Variants in LONP2 observed in about 807,000 individuals in gnomAD.
LONP2 encodes lon peptidase 2, peroxisomal, also known as lon protease homolog 2, peroxisomal.
A neutral mutation model predicts 85.6 loss-of-function variants in LONP2; 60 were observed. The ratio of observed to expected loss-of-function variants is 0.70; its 90% CI spans 0.57 to 0.87. The LOEUF is 0.87. Ranked by LOEUF, LONP2 falls within the 40% of genes least tolerant of loss-of-function variation. The pLI, the probability that LONP2 is intolerant of heterozygous loss-of-function variation, is 0.00. For synonymous variants in LONP2, 395 were observed against 389.7 expected, an observed-to-expected ratio of 1.01 and a Z score of -0.16; for missense variants, 860 against 1,063.5, an observed-to-expected ratio of 0.81 and a Z score of 2.66.
chr16:48,259,126 T>C (rs1363482709), intron 4 of LONP2, among the ~76,000 whole-genome samples: 1 of 152,246 alleles, frequency 6.6e-6, no homozygotes, highest in Non-Finnish European at 1.5e-5. Flanking sequence ...ATTTGGCTGT[T>C]TTCAACTTAT....
chr16:48,359,691 G>C (rs1465499134), downstream of LONP2, among the ~76,000 whole-genome samples: 1 of 152,040 alleles, frequency 6.6e-6, no homozygotes, highest in East Asian at 1.9e-4. Flanking sequence ...ACTCCAGCCT[G>C]GGTGACAAGA....
At chr16:48,287,543 C>T (rs1027867001) in intron 8 of LONP2, among the ~76,000 whole-genome samples, 4 of 152,222 alleles carry the variant, frequency 2.6e-5, no homozygotes, top group Non-Finnish European at 4.4e-5. Flanking sequence ...TGGAGCTCTT[C>T]TAAGGAACTG....
chr16:48,245,702 A>G (rs1971337218), intron 1 of LONP2, among the ~76,000 whole-genome samples: 4 of 152,250 alleles, frequency 2.6e-5, no homozygotes, highest in South Asian at 2.1e-4. Context: ...TACATTTTAT[A>G]TGGATTAAAT....
Position 48,356,752 on chromosome 16 carries a change from A to G in LONP2, c.*4950A>G. ...ATGTTTTAAAAGTTACAGCAAAAGG[A>G]CTTCTAAAACAATTTTAGGAAAAGC... On this transcript the variant is annotated 3_prime_UTR_variant, in exon 15 of 15. Coordinates refer to ENST00000285737, the MANE Select transcript of LONP2 (RefSeq NM_031490.5). The G allele has an allele frequency of 3.1e-6, 1 of 317,600 alleles. No individual in the cohort carries two copies. 19.7% of individuals were successfully genotyped at this position (317,600 alleles called of 1,614,324 possible). A position where few individuals can be genotyped will look rare whatever the true frequency, so the allele number is the denominator to read the frequency against.
At chr16:48,258,973 G>T (rs189551428) in intron 4 of LONP2, among the ~76,000 whole-genome samples, 1 of 151,722 alleles carries the variant, frequency 6.6e-6, no homozygotes, top group Non-Finnish European at 1.5e-5. Context: ...TTCCCCTTTT[G>T]TGTTGTTTCC....
intron 14 of LONP2, among the ~76,000 whole-genome samples, 188 bp from the exon 15 acceptor site, chr16:48,351,393 G>A (rs1008751855): frequency 2.6e-5 from 4 of 152,040 alleles, no homozygotes; most frequent in African/African-American, 9.7e-5. Flanking sequence ...AACACCAATT[G>A]AAACATTAAA....
chr16:48,315,535 A>G (rs913124654), intron 11 of LONP2, among the ~76,000 whole-genome samples: 1 of 152,176 alleles, frequency 6.6e-6, no homozygotes, highest in Non-Finnish European at 1.5e-5. Context: ...TCTCACCCAT[A>G]AGGGCAGAAT....
At chr16:48,245,374 T>G (rs1391070024) in intron 1 of LONP2, among the ~76,000 whole-genome samples, 2 of 152,196 alleles carry the variant, frequency 1.3e-5, no homozygotes, top group Non-Finnish European at 2.9e-5. Context: ...TAACCTCTAT[T>G]TCTTTTATTC....
At chr16:48,320,892 C>G (rs1973249707) in intron 11 of LONP2, among the ~76,000 whole-genome samples, 1 of 152,112 alleles carries the variant, frequency 6.6e-6, no homozygotes, top group African/African-American at 2.4e-5. Context: ...AAAATATTAT[C>G]AAATAATTAT....
intron 10 of LONP2, among the ~76,000 whole-genome samples, chr16:48,300,710 C>A (rs1376391789): frequency 6.6e-6 from 1 of 152,094 alleles, no homozygotes; most frequent in African/African-American, 2.4e-5. Flanking sequence ...CTGGGGGTTC[C>A]TTTTCTTAAT....
downstream of LONP2, among the ~76,000 whole-genome samples, chr16:48,358,403 G>T (rs180840443): frequency 6.6e-6 from 1 of 152,204 alleles, no homozygotes; most frequent in African/African-American, 2.4e-5. Flanking sequence ...TAAAATTACA[G>T]TGAATCCTCA....
intron 4 of LONP2, among the ~76,000 whole-genome samples, chr16:48,261,125 C>T (rs1027428164): frequency 2.0e-5 from 3 of 151,972 alleles, no homozygotes; most frequent in African/African-American, 7.3e-5. Context: ...AAAGGTAATT[C>T]CTAGATGGTT....
chr16:48,264,211 A>G (rs1242328172), intron 6 of LONP2, among the ~76,000 whole-genome samples: 2 of 152,196 alleles, frequency 1.3e-5, no homozygotes, highest in African/African-American at 4.8e-5. Context: ...ACCAAAATTT[A>G]TTAGATGGGA....
downstream of LONP2, chr16:48,360,836 T>TA (rs1384681264): frequency 6.6e-6 from 1 of 152,330 alleles, no homozygotes; most frequent in Non-Finnish European, 1.5e-5. Flanking sequence ...GAGCACCTTA[T>TA]AGATGCTTTA....
At chr16:48,293,104 G>T (rs1486963089) in intron 8 of LONP2, among the ~76,000 whole-genome samples, 1 of 152,166 alleles carries the variant, frequency 6.6e-6, no homozygotes, top group African/African-American at 2.4e-5. Context: ...CAGCATATAT[G>T]AATTACATAT....
chr16:48,248,557 A>G (rs1379213670), intron 1 of LONP2, among the ~76,000 whole-genome samples: 1 of 152,198 alleles, frequency 6.6e-6, no homozygotes, highest in Non-Finnish European at 1.5e-5. Context: ...CTAAACCTAT[A>G]TCCAAATGGG....
At chr16:48,305,633 C>T (rs1311756297) in intron 11 of LONP2, among the ~76,000 whole-genome samples, 1 of 152,126 alleles carries the variant, frequency 6.6e-6, no homozygotes, top group Non-Finnish European at 1.5e-5. Flanking sequence ...TTCATCCATG[C>T]TTTCAGGGCT....
downstream of LONP2, chr16:48,360,584 AT>A (rs761279463): frequency 9.2e-5 from 14 of 152,652 alleles, no homozygotes; most frequent in Non-Finnish European, 1.5e-4. Context: ...GACCAAAAAC[AT>A]TTTTTGCAAA....
chr16:48,348,469 A>C (rs1367485932), intron 14 of LONP2, among the ~76,000 whole-genome samples, 179 bp downstream of exon 14: 1 of 149,842 alleles, frequency 6.7e-6, no homozygotes, highest in Non-Finnish European at 1.5e-5. Flanking sequence ...AGAAAAACTG[A>C]CAATTTTTCA....
Sources: allele counts gnomAD v4.1 joint callset (sites outside exome capture counted in the v4.1 genomes callset), GRCh38; gene constraint gnomAD v4.1.1; transcripts MANE v1.5; gene names NCBI Gene and HGNC (gene_info 2026-07-23, HGNC 2026-07-21).